The following FANCI variants were observed in gnomAD, a reference collection of about 807,000 sequenced individuals.
FANCI encodes the protein Fanconi anemia group I protein.
FANCI carries 156 observed loss-of-function variants against 176.1 expected under a neutral mutation model. The observed-to-expected ratio is 0.89, with a 90% CI of 0.78 to 1.01. The LOEUF is 1.01. Among genes scored for constraint, FANCI ranks in the 50% least tolerant of loss-of-function variants. The pLI, the probability that FANCI is intolerant of heterozygous loss-of-function variation, is 0.00. For missense variants in FANCI, 1,678 were observed against 1,534.1 expected (o/e 1.09, Z -1.57); for synonymous variants, 613 against 541.7 (o/e 1.13, Z -1.83).
chr15:89,305,455 C>A (rs2054681601), intron 30 of FANCI, 46 bp downstream of exon 30: 1 of 1,611,982 alleles, frequency 6.2e-7, no homozygotes, highest in African/African-American at 1.3e-5. Context: ...GTCATTCTTT[C>A]CATTCTACTC....
intron 2 of FANCI, among the ~76,000 whole-genome samples, chr15:89,248,052 A>G (rs1164990081): frequency 2.6e-5 from 4 of 152,252 alleles, no homozygotes; most frequent in Non-Finnish European, 5.9e-5. Context: ...GATAATATCC[A>G]GACTATAGTT....
At chr15:89,307,792 T>C in intron 34 of FANCI, 120 bp downstream of exon 34, 1 of 1,569,292 alleles carries the variant, frequency 6.4e-7, no homozygotes, top group Non-Finnish European at 8.6e-7. Flanking sequence ...TACCACAAGC[T>C]GGAGGCACCC....
At position 89,286,919 on chromosome 15, in the gene FANCI, A is replaced by G. The variant is rs766170661; in HGVS notation, c.1821+1701A>G. 1.7e-4 allele frequency among the ~76,000 whole-genome samples: 25 copies of G among 148,200 alleles called. 1 individual carries two copies. Among genetic ancestry groups the G allele is most frequent in the East Asian group, 9.9e-4 (5 of 5,028 alleles). The stretch of plus-strand genomic sequence containing the variant: ...ACCACCTCGATCAATTATGTTAGCT[A>G]TATCTTCTGGATAATTTGCCTCAGC... On this transcript the variant is annotated intron_variant, in intron 18 of 37. Transcript: ENST00000310775.
chr15:89,312,749 G>A (rs1479421038), intron 34 of FANCI, among the ~76,000 whole-genome samples, 155 bp from the exon 35 acceptor site: 3 of 151,610 alleles, frequency 2.0e-5, no homozygotes, highest in South Asian at 2.1e-4. Context: ...AACTCGGGGC[G>A]CAGAGGTTAC....
At chr15:89,289,719 T>G (rs987580414) in intron 18 of FANCI, among the ~76,000 whole-genome samples, 2 of 143,204 alleles carry the variant, frequency 1.4e-5, no homozygotes, top group Non-Finnish European at 3.1e-5. Flanking sequence ...CTCCCCAGGA[T>G]TTTTTTTTTT....
At chr15:89,257,671 A>G (rs1596233578) in intron 2 of FANCI, among the ~76,000 whole-genome samples, 1 of 152,162 alleles carries the variant, frequency 6.6e-6, no homozygotes, top group Admixed American at 6.5e-5. Context: ...GAAGAGCCCA[A>G]TTTCCAAATA....
chr15:89,262,676 T>A (rs575317453), intron 6 of FANCI, among the ~76,000 whole-genome samples: 1 of 152,350 alleles, frequency 6.6e-6, no homozygotes, highest in Admixed American at 6.5e-5. Context: ...AGCATGTATT[T>A]GTCAATTAAT....
chr15:89,294,063 C>G, intron 23 of FANCI, 66 bp downstream of exon 23: 1 of 1,525,808 alleles, frequency 6.6e-7, no homozygotes, highest in Non-Finnish European at 9.1e-7. Context: ...CCTAGGCTCA[C>G]TTGTTTCACC....
At chr15:89,298,577 A>G (rs2054402319) in intron 24 of FANCI, among the ~76,000 whole-genome samples, 2 of 152,206 alleles carry the variant, frequency 1.3e-5, no homozygotes, top group Non-Finnish European at 2.9e-5. Context: ...AGAGCAAATT[A>G]TAATGAAAGT....
chr15:89,270,522 C>CT (rs959462268), intron 10 of FANCI, among the ~76,000 whole-genome samples: 20 of 148,438 alleles, frequency 1.3e-4, no homozygotes, highest in Admixed American at 4.0e-4. Context: ...TTTTTTTTTT[C>CT]TTTTTTTTGT....
At position 89,269,323 on chromosome 15, in the gene FANCI, C is replaced by T. The variant is rs2053107463; in HGVS notation, c.882+798C>T. Among the ~76,000 whole-genome samples, 3 of 152,080 alleles carry T rather than the reference C, an allele frequency of 2.0e-5. No homozygotes were observed. The South Asian group carries it at 6.2e-4, about 31-fold the overall frequency. On this transcript the variant is annotated intron_variant, in intron 10 of 37. Transcript: ENST00000310775. Reference sequence around the variant, plus strand: ...CCATCATCACATCTAAGAAAATTAACAATAATTCCATAATATTATTTAATT... The same window carrying T: ...CCATCATCACATCTAAGAAAATTAATAATAATTCCATAATATTATTTAATT...
chr15:89,303,051 CCCTT>C (rs1269556488), intron 27 of FANCI, among the ~76,000 whole-genome samples: 8 of 152,166 alleles, frequency 5.3e-5, no homozygotes, highest in African/African-American at 1.9e-4. Flanking sequence ...CTTCTTTATT[CCCTT>C]CCAAGTAAAT....
intron 28 of FANCI, 96 bp from the exon 29 acceptor site, chr15:89,305,019 A>G: frequency 7.0e-7 from 1 of 1,437,732 alleles, no homozygotes; most frequent in Non-Finnish European, 9.6e-7. Context: ...CAGGTGATCC[A>G]CCCGCCTTGG....
Position 89,293,874 on chromosome 15 carries a change from A to G in FANCI, c.2333A>G (p.Tyr778Cys). 1.2e-6 allele frequency: 2 copies of G among 1,614,190 alleles called. No homozygotes were observed. Among genetic ancestry groups the G allele is most frequent in the Non-Finnish European group, 1.7e-6 (2 of 1,180,022 alleles). ...FEDILSLFMCYKKLSDILNEK... is the reference protein window; with the variant it reads ...FEDILSLFMCCKKLSDILNEK... ...GACATTCTGAGCTTATTTATGTGTT[A>G]CAAAAAACTCTCTGACATTCTTAAT... The change falls in exon 23 of 38, where the codon TAC becomes TGC. Residue 778 changes from tyrosine (Y) to cysteine (C), a missense_variant. By Grantham distance (194) the Tyr-to-Cys change is radical. Transcript: ENST00000310775.
intron 18 of FANCI, among the ~76,000 whole-genome samples, chr15:89,286,962 C>G (rs570623505): frequency 6.0e-5 from 8 of 133,376 alleles, no homozygotes; most frequent in Non-Finnish European, 1.2e-4. Flanking sequence ...TCAGCATTTG[C>G]TGCTTCACCT....
At chr15:89,305,558 C>T (rs762834612) in intron 30 of FANCI, 47 bp from the exon 31 acceptor site, 1 of 1,606,104 alleles carries the variant, frequency 6.2e-7, no homozygotes, top group Non-Finnish European at 8.5e-7. Context: ...TTATATTACC[C>T]CCACAGCTGT....
Position 89,300,311 on chromosome 15 carries a change from A to G in FANCI, c.2815A>G (p.Lys939Glu), listed in dbSNP as rs1227990167. The G allele has an allele frequency of 1.9e-6, 3 of 1,613,676 alleles. No individual in the cohort carries two copies. The highest frequency in any genetic ancestry group is 2.5e-6 in the Non-Finnish European group (3 of 1,179,624). Residue 939 changes from lysine (K) to glutamate (E), a missense_variant, in exon 26 of 38, where the codon AAG (lysine) becomes GAG (glutamate). Physicochemically the swap from Lys to Glu is moderately conservative, Grantham distance 56. Around this residue, in one of 3 missense-constraint regions of FANCI, gnomAD observed 1,204 missense variants for 1,077.4 expected, o/e 1.12. Coordinates refer to ENST00000310775, the MANE Select transcript of FANCI (RefSeq NM_001113378.2). The stretch of plus-strand genomic sequence containing the variant: ...TTTTCCATTCCTAGATGTCACAGAT[A>G]AGGAAGGAGAAGAGAGAGAAGATGC... ...QFLRALDVTDKEGEEREDADV... is the reference protein window; with the variant it reads ...QFLRALDVTDEEGEEREDADV...
chr15:89,295,799 A>G (rs1329181917), intron 24 of FANCI, among the ~76,000 whole-genome samples: 1 of 127,466 alleles, frequency 7.8e-6, no homozygotes, highest in African/African-American at 3.1e-5. Context: ...TTTTTGAGAG[A>G]GTCTCGCTCT....
At chr15:89,284,695 CTG>C (rs1271463723) in intron 17 of FANCI, among the ~76,000 whole-genome samples, 1 of 152,210 alleles carries the variant, frequency 6.6e-6, no homozygotes. Context: ...AAACAAAAGA[CTG>C]TCTTCCTCTC....
Sources: gnomAD v4.1 joint callset for allele counts (sites outside exome capture counted in the v4.1 genomes callset) on GRCh38, gnomAD v4.1.1 for gene constraint, gnomAD v4.1.1 regional missense constraint, MANE v1.5 for transcripts, NCBI Gene and HGNC (gene_info 2026-07-23, HGNC 2026-07-21) for gene names.